CSMD3: variants seen among roughly 807,000 people sequenced by gnomAD.
CSMD3 encodes CUB and Sushi multiple domains 3, also known as CUB and sushi domain-containing protein 3.
Under a neutral mutation model 435.2 loss-of-function variants are expected in CSMD3, and 177 were observed. The ratio of observed to expected loss-of-function variants is 0.41; its 90% CI spans 0.36 to 0.46. The LOEUF (loss-of-function observed/expected upper bound fraction) is 0.46, where lower values mean the gene tolerates loss of function less well. Ranked by LOEUF, CSMD3 falls within the 20% of genes least tolerant of loss-of-function variation. The pLI, the probability that CSMD3 is intolerant of heterozygous loss-of-function variation, is 0.34. For synonymous variants in CSMD3, 1,656 were observed against 1,520.5 expected, an observed-to-expected ratio of 1.09 and a Z score of -2.07; for missense variants, 4,265 against 4,504.6, an observed-to-expected ratio of 0.95 and a Z score of 1.52.
chr8:113,408,646 T>G lies in CSMD3; in HGVS notation c.178+28031A>C, dbSNP rs185937151. On this transcript the variant is annotated intron_variant, in intron 1 of 70. Coordinates refer to ENST00000297405, the MANE Select transcript of CSMD3 (RefSeq NM_198123.2). ...CAGTTACAATAGTTACATTTCCACG[T>G]GACAAGGAGTTTTTTTTTTTTTTTT... Among the ~76,000 whole-genome samples, 425 of 151,644 alleles carry G rather than the reference T, an allele frequency of 2.8e-3. 2 individuals carry two copies. The highest frequency in any genetic ancestry group is 9.8e-3 in the African/African-American group (405 of 41,398).
chr8:113,231,935 A>AT (rs889167420), intron 3 of CSMD3, among the ~76,000 whole-genome samples: 3 of 151,460 alleles, frequency 2.0e-5, no homozygotes, highest in Non-Finnish European at 3.0e-5. Context: ...ATTAGAAGTA[A>AT]TTTTTTCCCC....
rs1588067936 is a variant in CSMD3 at position 113,097,448 on chromosome 8, G to T, written c.917+1308C>A. 2.0e-5 allele frequency among the ~76,000 whole-genome samples: 3 copies of T among 151,828 alleles called. No individual in the cohort carries two copies. In the South Asian group the frequency reaches 6.2e-4, roughly 32 times the overall value. On this transcript the variant is annotated intron_variant, in intron 5 of 70. Coordinates refer to ENST00000297405, the MANE Select transcript of CSMD3 (RefSeq NM_198123.2). ...CTTACCTTTTCAAATGACTCCTTCGGTTTTCTTTTCTGTATCATCCTTCTA... is the reference window on the plus strand; with the variant it reads ...CTTACCTTTTCAAATGACTCCTTCGTTTTTCTTTTCTGTATCATCCTTCTA...
chr8:112,413,381 A>T (rs1008390447), intron 32 of CSMD3, among the ~76,000 whole-genome samples: 17 of 152,212 alleles, frequency 1.1e-4, no homozygotes, highest in African/African-American at 4.1e-4. Flanking sequence ...TTCAATAAGC[A>T]TTTGTTTTCT....
chr8:112,609,127 G>A (rs770854824), intron 22 of CSMD3, among the ~76,000 whole-genome samples: 9 of 147,760 alleles, frequency 6.1e-5, no homozygotes, highest in Non-Finnish European at 1.0e-4. Context: ...GCTTGAACCT[G>A]GGAGGCGGAG....
At chr8:112,707,529 A>G (rs893858394) in intron 13 of CSMD3, among the ~76,000 whole-genome samples, 3 of 151,930 alleles carry the variant, frequency 2.0e-5, no homozygotes, top group Admixed American at 6.6e-5. Flanking sequence ...TATTTTCTCA[A>G]GGAAATAAAT....
intron 59 of CSMD3, among the ~76,000 whole-genome samples, chr8:112,274,701 T>C (rs1817867197): frequency 6.6e-6 from 1 of 152,010 alleles, no homozygotes; most frequent in East Asian, 1.9e-4. Context: ...AAATGAAACA[T>C]ATGCACACAA....
chr8:113,037,310 TAATATCTGTGG>T (rs2087396549), intron 5 of CSMD3, among the ~76,000 whole-genome samples: 1 of 152,130 alleles, frequency 6.6e-6, no homozygotes, highest in Admixed American at 6.5e-5. Flanking sequence ...AAATCACTAA[TAATATCTGTGG>T]TCTTCAATTT....
intron 1 of CSMD3, among the ~76,000 whole-genome samples, chr8:113,428,260 C>CTATCTATT (rs1323086138): frequency 5.4e-5 from 8 of 148,896 alleles, no homozygotes; most frequent in Non-Finnish European, 1.2e-4. Context: ...ATCTATCTAT[C>CTATCTATT]TTTCTGTCTA....
chr8:113,089,355 G>A (rs868044720), intron 5 of CSMD3, among the ~76,000 whole-genome samples: 1 of 144,140 alleles, frequency 6.9e-6, no homozygotes, highest in East Asian at 2.2e-4. Context: ...TGTTCTTCAA[G>A]AGGAATTCTA....
chr8:112,926,451 C>G (rs1044088071), intron 9 of CSMD3, among the ~76,000 whole-genome samples: 1 of 152,038 alleles, frequency 6.6e-6, no homozygotes, highest in African/African-American at 2.4e-5. Flanking sequence ...AAACAAATGG[C>G]TGAGCACATT....
intron 27 of CSMD3, among the ~76,000 whole-genome samples, chr8:112,540,497 C>G (rs377686060): frequency 6.6e-6 from 1 of 151,942 alleles, no homozygotes; most frequent in Non-Finnish European, 1.5e-5. Flanking sequence ...TTTATTGCAG[C>G]CCTATTCACA....
intron 4 of CSMD3, among the ~76,000 whole-genome samples, chr8:113,104,488 T>C (rs1271033179): frequency 3.3e-5 from 5 of 152,140 alleles, no homozygotes; most frequent in African/African-American, 1.2e-4. Context: ...CTGCCTCTAC[T>C]TACATTTAAT....
intron 4 of CSMD3, among the ~76,000 whole-genome samples, chr8:113,137,969 T>C (rs2091456799): frequency 1.3e-5 from 2 of 151,628 alleles, no homozygotes; most frequent in African/African-American, 2.4e-5. Context: ...GTGAATAATA[T>C]AAATACTTTT....
At chr8:113,322,335 T>A (rs2093954764) in intron 1 of CSMD3, among the ~76,000 whole-genome samples, 1 of 152,182 alleles carries the variant, frequency 6.6e-6, no homozygotes, top group South Asian at 2.1e-4. Flanking sequence ...GAACACATAA[T>A]TTTTGGTGAT....
At chr8:113,186,710 A>G (rs2092508286) in intron 3 of CSMD3, among the ~76,000 whole-genome samples, 1 of 152,010 alleles carries the variant, frequency 6.6e-6, no homozygotes, top group Non-Finnish European at 1.5e-5. Context: ...GACATTACTT[A>G]GCACAGTATT....
chr8:112,355,916 C>T (rs375885288), intron 38 of CSMD3, among the ~76,000 whole-genome samples: 1 of 151,886 alleles, frequency 6.6e-6, no homozygotes, highest in South Asian at 2.1e-4. Context: ...CATGAATGAC[C>T]AACAAACATG....
In CSMD3 at chr8:112,926,701, T is replaced by G. The variant is rs1360500818; in HGVS notation, c.1509-4950A>C. On this transcript the variant is annotated intron_variant, in intron 9 of 70. Transcript: ENST00000297405. ...GGCCCAAGATAGTGAATCTATAATTTTATTTACAATCAAATAGACAGGATA... is the reference window on the plus strand; with the variant it reads ...GGCCCAAGATAGTGAATCTATAATTGTATTTACAATCAAATAGACAGGATA... Among the ~76,000 whole-genome samples the G allele has an allele frequency of 2.6e-5, 4 of 152,214 alleles. 1 individual carries two copies. The South Asian group carries it at 8.3e-4, about 32-fold the overall frequency.
At chr8:113,173,021 G>A (rs1044142817) in intron 4 of CSMD3, among the ~76,000 whole-genome samples, 2 of 152,100 alleles carry the variant, frequency 1.3e-5, no homozygotes, top group African/African-American at 4.8e-5. Flanking sequence ...AACAAATGCA[G>A]CATAATTAAT....
chr8:113,117,908 C>G (rs1007567815), intron 4 of CSMD3, among the ~76,000 whole-genome samples: 1 of 152,174 alleles, frequency 6.6e-6, no homozygotes, highest in East Asian at 1.9e-4. Flanking sequence ...ATGCCTATAT[C>G]CCCATTGTAT....
Sources: allele counts gnomAD v4.1 joint callset (sites outside exome capture counted in the v4.1 genomes callset), GRCh38; gene constraint gnomAD v4.1.1; transcripts MANE v1.5; gene names NCBI Gene and HGNC (gene_info 2026-07-23, HGNC 2026-07-21).